Variants in GRIK5 observed in about 807,000 individuals in gnomAD.
GRIK5 encodes the protein glutamate ionotropic receptor kainate type subunit 5.
In GRIK5, 43 loss-of-function variants were observed where a neutral mutation model predicts 97.4. That is an observed-to-expected ratio of 0.44 (90% CI 0.35 to 0.57). The LOEUF is 0.57. Ranked by LOEUF, GRIK5 falls within the 20% of genes least tolerant of loss-of-function variation. The pLI is 0.01. For synonymous variants in GRIK5, 580 were observed against 583.5 expected (o/e 0.99, Z 0.09); for missense variants, 1,015 against 1,382.0 (o/e 0.73, Z 4.21).
At chr19:42,052,993 C>T (rs1212211024) in intron 11 of GRIK5, among the ~76,000 whole-genome samples, 10 of 152,172 alleles carry the variant, frequency 6.6e-5, no homozygotes, top group South Asian at 2.1e-4. Context: ...GCACAGTGCC[C>T]GGTGCAGAAC....
chr19:42,056,312 G>A (rs1448419271), intron 8 of GRIK5, among the ~76,000 whole-genome samples: 3 of 152,166 alleles, frequency 2.0e-5, no homozygotes, highest in Admixed American at 6.6e-5. Flanking sequence ...ACAGGAGGAG[G>A]AAGGAAAAAT....
Position 42,022,833 on chromosome 19 carries a change from G to T in GRIK5, c.1474-479C>A, listed in dbSNP as rs564888647. Among the ~76,000 whole-genome samples the T allele has an allele frequency of 6.6e-5, 10 of 152,054 alleles. No homozygotes were observed. Among genetic ancestry groups the T allele is most frequent in the African/African-American group, 2.4e-4 (10 of 41,478 alleles). On this transcript the variant is annotated intron_variant, in intron 12 of 19. Transcript: ENST00000593562. This position sits in a 1 kb window ranked among gnomAD's most constrained non-coding sequence, Gnocchi z 4.2. Reference sequence around the variant, plus strand: ...GCAGGTCAGCATGTGCCCACAGCCAGTGGAGACATAACCCAGGCCCCGGCC... The same window carrying T: ...GCAGGTCAGCATGTGCCCACAGCCATTGGAGACATAACCCAGGCCCCGGCC...
At position 42,021,153 on chromosome 19, in the gene GRIK5, G is replaced by A; in HGVS notation, c.1871+148C>T. ...CAGTAAGCGGCAGAGCTGGAGCTCA[G>A]CTCTCCCCACCCCATTCCTCGTCAC... is the stretch of plus-strand genomic sequence containing the variant. On this transcript the variant is annotated intron_variant, in intron 15 of 19. Coordinates refer to ENST00000593562, the MANE Select transcript of GRIK5 (RefSeq NM_002088.5). This position sits in a 1 kb window ranked among gnomAD's most constrained non-coding sequence, Gnocchi z 4.2. The A allele has an allele frequency of 3.0e-6, 2 of 675,890 alleles. No homozygotes were observed. Among genetic ancestry groups the A allele is most frequent in the South Asian group, 2.0e-5 (1 of 50,886 alleles). 41.9% of individuals were successfully genotyped at this position (675,890 alleles called of 1,614,324 possible).
intron 12 of GRIK5, among the ~76,000 whole-genome samples, chr19:42,032,084 A>G (rs990771046): frequency 5.9e-5 from 9 of 152,176 alleles, no homozygotes; most frequent in African/African-American, 2.2e-4. Context: ...CAGCACTCCA[A>G]CCTAGGCAAC....
At position 42,003,305 on chromosome 19, in the gene GRIK5, GCCCACC is replaced by G; in HGVS notation, c.2514+21_2514+26del. On this transcript the variant is annotated intron_variant, in intron 19 of 19. Coordinates refer to ENST00000593562, the MANE Select transcript of GRIK5 (RefSeq NM_002088.5). The surrounding 1 kb of genome is among the most constrained non-coding windows in gnomAD (Gnocchi z 4.2). The stretch of plus-strand genomic sequence containing the variant: ...TCAGCCCCTGGGGGTCCCTGTTCCT[GCCCACC>G]CCCACCCCCAGCCTCCTCACCTCCT... The G allele has an allele frequency of 3.9e-6, 6 of 1,540,382 alleles. No individual in the cohort carries two copies. The highest frequency in any genetic ancestry group is 1.4e-5 in the African/African-American group (1 of 73,506).
At chr19:42,054,222 G>T in intron 9 of GRIK5, 98 bp downstream of exon 9, 1 of 1,314,644 alleles carries the variant, frequency 7.6e-7, no homozygotes, top group Non-Finnish European at 1.1e-6. Flanking sequence ...ACGGTGGGAA[G>T]AGCAGGGAGG....
chr19:42,020,798 C>T (rs145297288), intron 15 of GRIK5, among the ~76,000 whole-genome samples: 56 of 152,252 alleles, frequency 3.7e-4, no homozygotes, highest in Non-Finnish European at 7.5e-4. Context: ...AATAATCCAC[C>T]CCTTGTTTAG....
At chr19:42,017,385 T>C (rs906621361) in intron 15 of GRIK5, among the ~76,000 whole-genome samples, 1 of 152,262 alleles carries the variant, frequency 6.6e-6, no homozygotes, top group Non-Finnish European at 1.5e-5. Flanking sequence ...CCCTTCATAT[T>C]GCAATTATGG....
intron 12 of GRIK5, among the ~76,000 whole-genome samples, chr19:42,031,371 A>C (rs1458340654): frequency 6.6e-6 from 1 of 152,236 alleles, no homozygotes; most frequent in Non-Finnish European, 1.5e-5. Flanking sequence ...AGGAGCTTCC[A>C]CGTGGCTCTT....
At chr19:42,023,482 G>C (rs572678222) in intron 12 of GRIK5, among the ~76,000 whole-genome samples, 1 of 152,150 alleles carries the variant, frequency 6.6e-6, no homozygotes, top group Non-Finnish European at 1.5e-5. Flanking sequence ...CCCACTGGGG[G>C]TCTGTCCTAG....
At chr19:42,028,141 A>G (rs751858684) in intron 12 of GRIK5, among the ~76,000 whole-genome samples, 97 of 152,142 alleles carry the variant, frequency 6.4e-4, no homozygotes, top group Non-Finnish European at 1.1e-3. Flanking sequence ...TAAAAGACCT[A>G]TTCCTTAGAG....
chr19:42,003,523 A>T lies in GRIK5; in HGVS notation c.2392+32T>A. The T allele has an allele frequency of 6.2e-7, 1 of 1,604,602 alleles. No individual in the cohort carries two copies. Among genetic ancestry groups the T allele is most frequent in the Non-Finnish European group, 8.5e-7 (1 of 1,173,432 alleles). The stretch of plus-strand genomic sequence containing the variant: ...GTGGGAAGGGGGCTGGGAGGGGGCT[A>T]TGGGAAGGGGACACCATACGCGGGA... On this transcript the variant is annotated intron_variant, in intron 18 of 19. Coordinates refer to ENST00000593562, the MANE Select transcript of GRIK5 (RefSeq NM_002088.5). This position sits in a 1 kb window ranked among gnomAD's most constrained non-coding sequence, Gnocchi z 4.2.
chr19:42,047,831 C>T (rs1321629600), intron 11 of GRIK5, among the ~76,000 whole-genome samples: 2 of 151,494 alleles, frequency 1.3e-5, no homozygotes, highest in African/African-American at 4.9e-5. Flanking sequence ...ATCAGCCAGG[C>T]GTGGTGGTGG....
At chr19:42,064,673 G>A (rs2076305389) in intron 3 of GRIK5, among the ~76,000 whole-genome samples, 1 of 152,176 alleles carries the variant, frequency 6.6e-6, no homozygotes, top group Non-Finnish European at 1.5e-5. Flanking sequence ...AAAGAAACCT[G>A]TCTAAAACAT....
At chr19:42,049,927 T>C (rs923679614) in intron 11 of GRIK5, among the ~76,000 whole-genome samples, 6 of 152,112 alleles carry the variant, frequency 3.9e-5, no homozygotes, top group African/African-American at 1.4e-4. Context: ...GAATATTTTA[T>C]TTACGTATTT....
intron 11 of GRIK5, among the ~76,000 whole-genome samples, chr19:42,047,726 T>C (rs2076060190): frequency 6.6e-6 from 1 of 152,000 alleles, no homozygotes; most frequent in Admixed American, 6.5e-5. Flanking sequence ...TCCTAGCACT[T>C]TGGGAGGCTG....
chr19:42,067,151 G>T (rs928443578), intron 1 of GRIK5, among the ~76,000 whole-genome samples: 4 of 152,186 alleles, frequency 2.6e-5, no homozygotes, highest in African/African-American at 9.7e-5. Context: ...GGGTTACTGT[G>T]GGGGGCACAG....
intron 19 of GRIK5, chr19:42,001,804 G>A (rs1289923883): frequency 1.2e-5 from 4 of 328,868 alleles, no homozygotes; most frequent in Admixed American, 4.6e-5. Context: ...AGCTGTTAAG[G>A]TCATTTGTTA....
rs572630431 is a variant in GRIK5 at position 42,014,478 on chromosome 19, C to T, written c.1871+6823G>A. Among the ~76,000 whole-genome samples the T allele has an allele frequency of 8.6e-5, 13 of 152,000 alleles. No homozygotes were observed. In the East Asian group the frequency reaches 2.5e-3, roughly 30 times the overall value. On this transcript the variant is annotated intron_variant, in intron 15 of 19. Coordinates refer to ENST00000593562, the MANE Select transcript of GRIK5 (RefSeq NM_002088.5). ...CCTTGCTCCAAGGCCTAAGTATACACTGTTTATAAGAAACACACTTGGGGC... is the reference window on the plus strand; with the variant it reads ...CCTTGCTCCAAGGCCTAAGTATACATTGTTTATAAGAAACACACTTGGGGC...
Sources: gnomAD v4.1 joint callset for allele counts (sites outside exome capture counted in the v4.1 genomes callset) on GRCh38, gnomAD v4.1.1 for gene constraint, Gnocchi (gnomAD v3.1) non-coding constraint, MANE v1.5 for transcripts, NCBI Gene and HGNC (gene_info 2026-07-23, HGNC 2026-07-21) for gene names.